Variants in ELMO1 observed in about 807,000 individuals in gnomAD.
ELMO1 encodes engulfment and cell motility 1.
A neutral mutation model predicts 98.9 loss-of-function variants in ELMO1; 26 were observed. The ratio of observed to expected loss-of-function variants is 0.26; its 90% CI spans 0.19 to 0.36. The LOEUF is 0.36. Among genes scored for constraint, ELMO1 ranks in the 10% least tolerant of loss-of-function variants. The pLI is 1.00. For synonymous variants in ELMO1, 346 were observed against 346.0 expected, an observed-to-expected ratio of 1.00 and a Z score of 0.00; for missense variants, 627 against 935.2, an observed-to-expected ratio of 0.67 and a Z score of 4.30.
chr7:37,428,033 GT>G (rs1804780827), intron 1 of ELMO1, among the ~76,000 whole-genome samples: 13 of 71,186 alleles, frequency 1.8e-4, no homozygotes, highest in African/African-American at 3.7e-4. Context: ...TGCTTGGGGT[GT>G]GTGTGTGTGT....
At chr7:37,334,219 C>G (rs1653452046) in intron 2 of ELMO1, among the ~76,000 whole-genome samples, 1 of 152,164 alleles carries the variant, frequency 6.6e-6, no homozygotes. Flanking sequence ...GAGACTCTGT[C>G]CACCGCCCAA....
At chr7:37,371,914 G>A (rs561675557) in intron 1 of ELMO1, among the ~76,000 whole-genome samples, 169 of 152,274 alleles carry the variant, frequency 1.1e-3, no homozygotes, top group South Asian at 2.1e-3. Context: ...GTTGGGGGAG[G>A]TTGGTTCAGA....
chr7:36,993,996 T>G (rs894521778), intron 16 of ELMO1, among the ~76,000 whole-genome samples: 2 of 152,196 alleles, frequency 1.3e-5, no homozygotes, highest in Non-Finnish European at 2.9e-5. Flanking sequence ...GAACATACAC[T>G]GAGAAAACAT....
At chr7:37,431,686 G>T (rs755109194) in intron 1 of ELMO1, among the ~76,000 whole-genome samples, 75 of 152,074 alleles carry the variant, frequency 4.9e-4, no homozygotes, top group Non-Finnish European at 9.9e-4. Flanking sequence ...TCCCCAAGAA[G>T]ACCTATGTAC....
chr7:37,293,685 C>T (rs1202326810), intron 4 of ELMO1, among the ~76,000 whole-genome samples: 1 of 81,070 alleles, frequency 1.2e-5, no homozygotes, highest in African/African-American at 3.5e-5. Flanking sequence ...GCCAAATCCC[C>T]CTCTGTAAGA....
intron 1 of ELMO1, among the ~76,000 whole-genome samples, chr7:37,361,176 C>A (rs1398686939): frequency 6.6e-6 from 1 of 151,988 alleles, no homozygotes; most frequent in African/African-American, 2.4e-5. Flanking sequence ...GAAATGAAAA[C>A]AAAGATAGGT....
intron 16 of ELMO1, among the ~76,000 whole-genome samples, chr7:36,986,749 G>A (rs1014936735): frequency 4.6e-5 from 7 of 151,936 alleles, no homozygotes; most frequent in African/African-American, 1.7e-4. Flanking sequence ...GAACCACCTC[G>A]CGATACCTTG....
At chr7:37,357,616 A>G (rs961904157) in intron 1 of ELMO1, among the ~76,000 whole-genome samples, 1 of 152,188 alleles carries the variant, frequency 6.6e-6, no homozygotes, top group Admixed American at 6.5e-5. Context: ...CCACAAACCT[A>G]CCCTCACTAG....
intron 2 of ELMO1, among the ~76,000 whole-genome samples, chr7:37,328,581 T>C (rs1799944061): frequency 6.6e-6 from 1 of 152,036 alleles, no homozygotes; most frequent in Non-Finnish European, 1.5e-5. Flanking sequence ...GTGGAGTGGG[T>C]TCTGGAGCTG....
chr7:37,149,562 T>G (rs1239900848), intron 13 of ELMO1, among the ~76,000 whole-genome samples: 1 of 152,236 alleles, frequency 6.6e-6, no homozygotes, highest in East Asian at 1.9e-4. Flanking sequence ...AAAAGTCATA[T>G]TGGAACTCAG....
chr7:37,353,695 C>T (rs1182684563), intron 1 of ELMO1: 1 of 152,184 alleles, frequency 6.6e-6, no homozygotes, highest in Non-Finnish European at 1.5e-5. Flanking sequence ...ACCCACACAT[C>T]CTGCTGATTG....
At chr7:37,192,543 T>C (rs1791662788) in intron 13 of ELMO1, among the ~76,000 whole-genome samples, 1 of 146,498 alleles carries the variant, frequency 6.8e-6, no homozygotes, top group Admixed American at 6.8e-5. Flanking sequence ...TTCACACCTA[T>C]AATCCAGCAA....
intron 16 of ELMO1, among the ~76,000 whole-genome samples, chr7:36,936,645 A>G (rs894913908): frequency 6.6e-5 from 10 of 151,890 alleles, no homozygotes; most frequent in Non-Finnish European, 1.3e-4. Context: ...TTTTGTAGAG[A>G]TGGGGTCTAT....
chr7:37,187,611 T>C (rs1791294258), intron 13 of ELMO1, among the ~76,000 whole-genome samples: 1 of 149,290 alleles, frequency 6.7e-6, no homozygotes, highest in African/African-American at 2.6e-5. Flanking sequence ...ACTATAGATA[T>C]TACTATAACC....
intron 6 of ELMO1, among the ~76,000 whole-genome samples, chr7:37,256,291 T>C (rs535114261): frequency 4.6e-5 from 7 of 152,216 alleles, no homozygotes; most frequent in Non-Finnish European, 1.0e-4. Flanking sequence ...CTGTCTACAG[T>C]TGACCCTTTC....
intron 6 of ELMO1, among the ~76,000 whole-genome samples, chr7:37,245,377 T>C (rs576589345): frequency 1.3e-5 from 2 of 152,234 alleles, no homozygotes; most frequent in East Asian, 1.9e-4. Context: ...GAATACACGG[T>C]TGACAAACGA....
intron 4 of ELMO1, among the ~76,000 whole-genome samples, chr7:37,306,562 T>C (rs1042940612): frequency 9.2e-5 from 14 of 152,332 alleles, no homozygotes; most frequent in East Asian, 3.9e-4. Flanking sequence ...CTGCTCACTG[T>C]TCCACTGGAA....
In ELMO1 at chr7:37,188,501, A is replaced by AAAAAAATAAT. The variant is rs764889756; in HGVS notation, c.1086+22884_1086+22885insATTATTTTTT. The stretch of plus-strand genomic sequence containing the variant: ...CTGGAGAAAGGTAAAAAAAAAAAAA[A>AAAAAAATAAT]AATAATAATAATAATAATAATAATA... On this transcript the variant is annotated intron_variant, in intron 13 of 21. Coordinates refer to ENST00000310758, the MANE Select transcript of ELMO1 (RefSeq NM_014800.11). Among the ~76,000 whole-genome samples the AAAAAAATAAT allele has an allele frequency of 3.5e-4, 44 of 125,938 alleles. 1 individual carries two copies. The highest frequency in any genetic ancestry group is 7.0e-4 in the African/African-American group (23 of 32,952). The allele number at this position is 125,938 out of a possible 152,430, so 82.6% of individuals were successfully genotyped here.
chr7:37,280,713 A>G (rs1797090453), intron 4 of ELMO1, among the ~76,000 whole-genome samples: 1 of 152,084 alleles, frequency 6.6e-6, no homozygotes, highest in East Asian at 1.9e-4. Flanking sequence ...AGATATTGGC[A>G]TGGATGTGGT....
Sources: gnomAD v4.1 joint callset for allele counts (sites outside exome capture counted in the v4.1 genomes callset) on GRCh38, gnomAD v4.1.1 for gene constraint, MANE v1.5 for transcripts, NCBI Gene and HGNC (gene_info 2026-07-23, HGNC 2026-07-21) for gene names.